The following ROBO2 variants were observed in gnomAD, a reference collection of about 807,000 sequenced individuals.
The protein encoded by ROBO2 is roundabout homolog 2.
Under a neutral mutation model 160.8 loss-of-function variants are expected in ROBO2, and 53 were observed. The observed-to-expected ratio is 0.33, with a 90% confidence interval of 0.26 to 0.41. The LOEUF is 0.41. Ranked by LOEUF, ROBO2 falls within the 10% of genes least tolerant of loss-of-function variation. The probability of loss-of-function intolerance (pLI) is 1.00; values close to 1 mark genes in which losing one functional copy is unlikely to be tolerated. For synonymous variants in ROBO2, 664 were observed against 611.7 expected (o/e 1.09, Z -1.26); for missense variants, 1,577 against 1,722.4 (o/e 0.92, Z 1.49).
chr3:76,489,080 G>T (rs2079658345), intron 2 of ROBO2, among the ~76,000 whole-genome samples: 3 of 71,644 alleles, frequency 4.2e-5, no homozygotes, highest in African/African-American at 5.4e-5. Context: ...GTGAGACTCT[G>T]TCTCAAAAAA....
intron 2 of ROBO2, among the ~76,000 whole-genome samples, chr3:77,345,260 G>A (rs1581213915): frequency 6.6e-6 from 1 of 152,232 alleles, no homozygotes; most frequent in South Asian, 2.1e-4. Context: ...TCCCCACAGG[G>A]TTGCTTGTAT....
chr3:76,462,521 T>C (rs2078140456), intron 2 of ROBO2, among the ~76,000 whole-genome samples: 1 of 152,086 alleles, frequency 6.6e-6, no homozygotes, highest in South Asian at 2.1e-4. Flanking sequence ...CTAAATGTAT[T>C]TTATGGTGCA....
At chr3:77,143,637 T>C (rs1455331319) in intron 2 of ROBO2, among the ~76,000 whole-genome samples, 1 of 152,208 alleles carries the variant, frequency 6.6e-6, no homozygotes, top group Non-Finnish European at 1.5e-5. Context: ...TAGCTGTGTT[T>C]AATACTTATG....
Position 77,602,494 on chromosome 3 carries a change from G to T in ROBO2, c.3136+3G>T. 1 of 1,614,082 alleles carries T rather than the reference G, an allele frequency of 6.2e-7. No homozygotes were observed. Among genetic ancestry groups the T allele is most frequent in the South Asian group, 1.1e-5 (1 of 91,068 alleles). On this transcript the variant is annotated splice_donor_region_variant and intron_variant, in intron 20 of 25. Transcript: ENST00000461745. ...TGATCAGAACAAAGGTAACAATGGTGAGTCAGGTTCTTGTGTCCTGAGGAG... is the reference window on the plus strand; with the variant it reads ...TGATCAGAACAAAGGTAACAATGGTTAGTCAGGTTCTTGTGTCCTGAGGAG...
chr3:77,146,733 C>T (rs779049103), intron 2 of ROBO2, among the ~76,000 whole-genome samples: 2 of 151,940 alleles, frequency 1.3e-5, no homozygotes, highest in African/African-American at 2.4e-5. Context: ...TTTGGGAGGC[C>T]GAGGAGGGCA....
At chr3:77,099,516 A>G (rs1293307283) in intron 2 of ROBO2, among the ~76,000 whole-genome samples, 1 of 152,192 alleles carries the variant, frequency 6.6e-6, no homozygotes, top group Middle Eastern at 3.2e-3. Flanking sequence ...GACTTTAGTT[A>G]ACAATGGGAT....
At chr3:76,699,186 T>C (rs1358907357) in intron 2 of ROBO2, among the ~76,000 whole-genome samples, 1 of 152,196 alleles carries the variant, frequency 6.6e-6, no homozygotes, top group Non-Finnish European at 1.5e-5. Context: ...TCAGTGAATA[T>C]ATTGAGATCT....
At chr3:77,078,529 A>G (rs1354846987) in intron 1 of ROBO2, among the ~76,000 whole-genome samples, 2 of 152,140 alleles carry the variant, frequency 1.3e-5, no homozygotes, top group Non-Finnish European at 2.9e-5. Flanking sequence ...ACTGTCTTAC[A>G]TTGATATGGT....
chr3:76,785,969 C>A lies in ROBO2; in HGVS notation c.110-312045C>A, dbSNP rs2062947420. 2.0e-5 allele frequency among the ~76,000 whole-genome samples: 3 copies of A among 151,234 alleles called. No individual in the cohort carries two copies. The South Asian group carries it at 6.2e-4, about 31-fold the overall frequency. ...AGGATGTAGAGAATGGGAAAGACAT[C>A]CAACTGAAGGTCAAATCAGTAAGTC... On this transcript the variant is annotated intron_variant, in intron 2 of 26. Transcript: ENST00000487694.
chr3:75,939,554 CAAT>C, intron 2 of ROBO2, among the ~76,000 whole-genome samples: 1 of 152,118 alleles, frequency 6.6e-6, no homozygotes, highest in South Asian at 2.1e-4. Flanking sequence ...TTAAAATAGA[CAAT>C]GATTCAAAGA....
intron 2 of ROBO2, among the ~76,000 whole-genome samples, chr3:77,184,653 A>C (rs533144131): frequency 6.6e-6 from 1 of 152,050 alleles, no homozygotes; most frequent in Non-Finnish European, 1.5e-5. Flanking sequence ...GTAAGAAAAT[A>C]TATGTATTTT....
chr3:77,476,393 TGTGTG>T (rs1172983407), intron 2 of ROBO2, among the ~76,000 whole-genome samples: 2 of 151,726 alleles, frequency 1.3e-5, no homozygotes, highest in African/African-American at 4.8e-5. Context: ...TGTGTGTGTG[TGTGTG>T]TGTGTGTGTA....
chr3:77,413,544 A>T (rs1286229585), intron 2 of ROBO2, among the ~76,000 whole-genome samples: 2 of 152,192 alleles, frequency 1.3e-5, no homozygotes, highest in Non-Finnish European at 2.9e-5. Context: ...TACTGAAATG[A>T]TCTTGATGTT....
chr3:76,024,530 G>T (rs1321434543), intron 2 of ROBO2, among the ~76,000 whole-genome samples: 4 of 151,456 alleles, frequency 2.6e-5, no homozygotes, highest in African/African-American at 9.7e-5. Context: ...AATTTAAAAA[G>T]ATGACTATAA....
chr3:76,232,447 C>A (rs1343904025), intron 2 of ROBO2, among the ~76,000 whole-genome samples: 2 of 152,142 alleles, frequency 1.3e-5, no homozygotes, highest in South Asian at 2.1e-4. Context: ...GTAATCATTT[C>A]TATAACAGTA....
At chr3:76,865,144 A>AG (rs1159144903) in intron 2 of ROBO2, among the ~76,000 whole-genome samples, 1 of 151,992 alleles carries the variant, frequency 6.6e-6, no homozygotes, top group Non-Finnish European at 1.5e-5. Context: ...AAAAAAAAAA[A>AG]TCCAAAAATA....
At chr3:77,103,389 G>A (rs2072312374) in intron 2 of ROBO2, among the ~76,000 whole-genome samples, 1 of 148,948 alleles carries the variant, frequency 6.7e-6, no homozygotes, top group South Asian at 2.2e-4. Context: ...AAAGGTCAGG[G>A]GTCACATAGA....
intron 2 of ROBO2, among the ~76,000 whole-genome samples, chr3:76,485,727 C>A (rs74801337): frequency 0.055 from 8,295 of 152,028 alleles, 274 homozygotes; most frequent in Middle Eastern, 0.1. Context: ...TGTCTAGAAC[C>A]AGATTACATA....
intron 2 of ROBO2, among the ~76,000 whole-genome samples, chr3:76,019,913 A>G (rs1438585661): frequency 3.3e-5 from 5 of 151,314 alleles, no homozygotes; most frequent in African/African-American, 1.2e-4. Context: ...TTAAAGCTCC[A>G]TGCATATCTG....
Sources: allele counts gnomAD v4.1 joint callset (sites outside exome capture counted in the v4.1 genomes callset), GRCh38; gene constraint gnomAD v4.1.1; transcripts MANE v1.5; gene names NCBI Gene and HGNC (gene_info 2026-07-23, HGNC 2026-07-21).